Variants in CHODL observed in about 807,000 individuals in gnomAD.
CHODL encodes chondrolectin.
A neutral mutation model predicts 34.5 loss-of-function variants in CHODL; 29 were observed. The observed-to-expected ratio is 0.84, with a 90% CI of 0.63 to 1.15. The LOEUF (loss-of-function observed/expected upper bound fraction) is 1.15. CHODL is among the 50% of genes most tolerant of loss of function. CHODL has a pLI of 0.00. For synonymous variants in CHODL, 125 were observed against 116.1 expected (o/e 1.08, Z -0.49); for missense variants, 332 against 332.5 (o/e 1.00, Z 0.01).
At chr21:18,157,404 G>T (rs756968423) in intron 2 of CHODL, among the ~76,000 whole-genome samples, 3 of 152,176 alleles carry the variant, frequency 2.0e-5, no homozygotes, top group Non-Finnish European at 4.4e-5. Context: ...TACATATTCT[G>T]ATAACAGTGA....
chr21:18,086,163 T>A (rs185433), intron 2 of CHODL, among the ~76,000 whole-genome samples: 2 of 151,722 alleles, frequency 1.3e-5, no homozygotes, highest in East Asian at 3.9e-4. Context: ...GAATGTCTTT[T>A]GTATTTCTTT....
intron 1 of CHODL, among the ~76,000 whole-genome samples, chr21:17,952,971 C>T (rs1007528750): frequency 6.6e-6 from 1 of 152,036 alleles, no homozygotes; most frequent in African/African-American, 2.4e-5. Context: ...GTGAGAACTC[C>T]CTCACTATCA....
chr21:18,001,637 G>A (rs528870758), intron 1 of CHODL, among the ~76,000 whole-genome samples: 64 of 152,110 alleles, frequency 4.2e-4, no homozygotes, highest in African/African-American at 1.3e-3. Flanking sequence ...TTCTTCGTGA[G>A]TTTTTTTAAA....
intron 1 of CHODL, among the ~76,000 whole-genome samples, chr21:18,026,834 T>C (rs1432945537): frequency 6.6e-6 from 1 of 152,202 alleles, no homozygotes; most frequent in Non-Finnish European, 1.5e-5. Context: ...ACATGAAAGT[T>C]TGTAGACAAA....
At chr21:17,960,258 G>A (rs1171810177) in intron 1 of CHODL, among the ~76,000 whole-genome samples, 1 of 152,012 alleles carries the variant, frequency 6.6e-6, no homozygotes, top group Non-Finnish European at 1.5e-5. Context: ...TCTTATAGCT[G>A]GCCTGAATTT....
intron 2 of CHODL, among the ~76,000 whole-genome samples, chr21:18,054,003 T>C (rs1197168498): frequency 6.6e-6 from 1 of 151,896 alleles, no homozygotes; most frequent in African/African-American, 2.4e-5. Flanking sequence ...TGTATATATA[T>C]CACATGTGAG....
chr21:18,194,621 T>C (rs1227245407), intron 2 of CHODL, among the ~76,000 whole-genome samples: 1 of 146,328 alleles, frequency 6.8e-6, no homozygotes, highest in Non-Finnish European at 1.5e-5. Flanking sequence ...AAAAAAAAAC[T>C]AATGCGTATT....
intron 2 of CHODL, among the ~76,000 whole-genome samples, chr21:18,204,302 C>CT (rs535605185): frequency 6.6e-6 from 1 of 152,156 alleles, no homozygotes; most frequent in South Asian, 2.1e-4. Flanking sequence ...CCTGCATCTT[C>CT]TTTTTTGTGT....
intron 1 of CHODL, among the ~76,000 whole-genome samples, chr21:18,024,121 AT>A: frequency 6.6e-6 from 1 of 152,216 alleles, no homozygotes; most frequent in Non-Finnish European, 1.5e-5. Flanking sequence ...TTTTTTAAAA[AT>A]TTTTTGCTGC....
chr21:18,173,243 C>T (rs568088815), intron 2 of CHODL, among the ~76,000 whole-genome samples: 6 of 152,182 alleles, frequency 3.9e-5, no homozygotes, highest in Admixed American at 2.0e-4. Flanking sequence ...TCACTTAACA[C>T]GATATGATCA....
At chr21:18,265,506 C>T (rs999992320) in intron 5 of CHODL, among the ~76,000 whole-genome samples, 1 of 151,764 alleles carries the variant, frequency 6.6e-6, no homozygotes, top group African/African-American at 2.4e-5. Flanking sequence ...ACACAGTGGA[C>T]TTTGGGGACT....
At chr21:17,917,714 G>C (rs2063151036) in intron 1 of CHODL, among the ~76,000 whole-genome samples, 1 of 152,170 alleles carries the variant, frequency 6.6e-6, no homozygotes, top group Non-Finnish European at 1.5e-5. Context: ...AGAGAAGAAA[G>C]GTGACCATTG....
chr21:18,229,089 A>G (rs1276219069), intron 2 of CHODL, among the ~76,000 whole-genome samples: 1 of 152,208 alleles, frequency 6.6e-6, no homozygotes, highest in Admixed American at 6.6e-5. Context: ...AGTAAAAACA[A>G]CAGACAATAG....
chr21:18,099,108 G>A (rs527256255), intron 2 of CHODL, among the ~76,000 whole-genome samples: 1 of 152,078 alleles, frequency 6.6e-6, no homozygotes, highest in African/African-American at 2.4e-5. Context: ...GACTGTAGGG[G>A]TTGGGGTTGG....
chr21:18,050,788 A>T (rs945814906), intron 2 of CHODL, among the ~76,000 whole-genome samples: 1 of 151,866 alleles, frequency 6.6e-6, no homozygotes, highest in Non-Finnish European at 1.5e-5. Context: ...ATCCTAGAAG[A>T]ATTGTAGACT....
At chr21:18,108,808 T>C (rs146100223) in intron 2 of CHODL, among the ~76,000 whole-genome samples, 25 of 151,646 alleles carry the variant, frequency 1.6e-4, no homozygotes, top group Middle Eastern at 3.4e-3. Flanking sequence ...ACGATTATAG[T>C]TTTTTCTCAG....
intron 1 of CHODL, among the ~76,000 whole-genome samples, chr21:17,982,521 T>A (rs773781948): frequency 5.3e-5 from 8 of 151,942 alleles, no homozygotes; most frequent in Admixed American, 2.0e-4. Context: ...CCATGAAAAA[T>A]TATTTTATTA....
chr21:18,172,570 CA>C (rs71189588), intron 2 of CHODL, among the ~76,000 whole-genome samples: 28,544 of 148,988 alleles, frequency 0.19, 3,839 homozygotes, highest in East Asian at 0.49. Context: ...CAGATTCAGC[CA>C]TTTTTTTTTT....
chr21:17,956,568 A>G (rs1232349121), intron 1 of CHODL, among the ~76,000 whole-genome samples: 1 of 136,952 alleles, frequency 7.3e-6, no homozygotes, highest in African/African-American at 2.5e-5. Flanking sequence ...TAGATGGCTT[A>G]TAAACAACAT....
Sources: allele counts gnomAD v4.1 joint callset (sites outside exome capture counted in the v4.1 genomes callset), GRCh38; gene constraint gnomAD v4.1.1; transcripts MANE v1.5; gene names NCBI Gene and HGNC (gene_info 2026-07-23, HGNC 2026-07-21).